Variants in PRIMA1 observed in about 807,000 individuals in gnomAD.
PRIMA1 encodes proline rich membrane anchor 1, also known as proline-rich membrane anchor 1.
In PRIMA1, 7 loss-of-function variants were observed where a neutral mutation model predicts 17.5. The ratio of observed to expected loss-of-function variants is 0.40; its 90% confidence interval spans 0.23 to 0.75. PRIMA1 has a LOEUF of 0.75. PRIMA1 is among the 30% of genes least tolerant of loss of function. The pLI is 0.37. For synonymous variants in PRIMA1, 97 were observed against 77.9 expected (o/e 1.25, Z -1.29); for missense variants, 200 against 201.8 (o/e 0.99, Z 0.05).
rs1032442391 is a variant in PRIMA1 at position 93,719,286 on chromosome 14, A to T, written c.*2158T>A. ...AGGGAGCCTCGCCTGGGGCTGGAAG[A>T]TTAGGCTAACTGCAAAATCCAGGCC... On this transcript the variant is annotated 3_prime_UTR_variant, in exon 5 of 5. Transcript: ENST00000393140. 3 of 152,190 alleles carry T rather than the reference A, an allele frequency of 2.0e-5. No individual in the cohort carries two copies. Among genetic ancestry groups the T allele is most frequent in the Middle Eastern group, 3.2e-3 (1 of 316 alleles). The allele number at this position is 152,190 out of a possible 1,614,324, so 9.4% of individuals were successfully genotyped here. A position where few individuals can be genotyped will look rare whatever the true frequency, so the allele number is the denominator to read the frequency against.
chr14:93,724,090 GC>G (rs1239554777), intron 4 of PRIMA1, among the ~76,000 whole-genome samples: 1 of 152,028 alleles, frequency 6.6e-6, no homozygotes, highest in African/African-American at 2.4e-5. Context: ...TCGCTATGTT[GC>G]CCAGGCTGTT....
At chr14:93,787,052 C>A (rs1885546076) in intron 2 of PRIMA1, among the ~76,000 whole-genome samples, 1 of 152,092 alleles carries the variant, frequency 6.6e-6, no homozygotes, top group Admixed American at 6.5e-5. Flanking sequence ...CCCATTGAAA[C>A]CCCTCTCTGA....
intron 3 of PRIMA1, among the ~76,000 whole-genome samples, chr14:93,776,350 C>G (rs1220220954): frequency 6.6e-6 from 1 of 152,188 alleles, no homozygotes; most frequent in East Asian, 1.9e-4. Context: ...CTCTCTTACT[C>G]TCCTCTCCCA....
chr14:93,765,460 G>A (rs1884866694), intron 3 of PRIMA1, among the ~76,000 whole-genome samples: 1 of 149,626 alleles, frequency 6.7e-6, no homozygotes, highest in African/African-American at 2.5e-5. Flanking sequence ...TTCATAATAA[G>A]ATGAGCTAAC....
chr14:93,718,432 T>C lies in PRIMA1; in HGVS notation c.*3012A>G, dbSNP rs146990810. On this transcript the variant is annotated 3_prime_UTR_variant, in exon 5 of 5. Coordinates refer to ENST00000393140, the MANE Select transcript of PRIMA1 (RefSeq NM_178013.4). ...CAGCAGGAAACCAACCTTAATGGCT[T>C]GTTGGTGGATAAGACGGCATCAACT... 1.3e-5 allele frequency: 2 copies of C among 152,612 alleles called. No individual in the cohort carries two copies. The highest frequency in any genetic ancestry group is 2.4e-5 in the African/African-American group (1 of 41,542). The allele number at this position is 152,612 out of a possible 1,614,324, so 9.5% of individuals were successfully genotyped here.
At chr14:93,723,439 G>A (rs2076055567) in intron 4 of PRIMA1, among the ~76,000 whole-genome samples, 1 of 152,168 alleles carries the variant, frequency 6.6e-6, no homozygotes, top group Non-Finnish European at 1.5e-5. Context: ...GAGGAGGCAG[G>A]GTCTGTGAGG....
At chr14:93,780,290 C>T (rs1885342239) in intron 2 of PRIMA1, among the ~76,000 whole-genome samples, 1 of 152,230 alleles carries the variant, frequency 6.6e-6, no homozygotes, top group Non-Finnish European at 1.5e-5. Flanking sequence ...GGGCAGAAAG[C>T]TACATTTGGA....
intron 3 of PRIMA1, among the ~76,000 whole-genome samples, chr14:93,744,011 G>A (rs1467591808): frequency 6.6e-6 from 1 of 152,254 alleles, no homozygotes; most frequent in East Asian, 1.9e-4. Flanking sequence ...AGGACAGTGT[G>A]GGGGCCGGAG....
rs142604243 is a variant in PRIMA1 at position 93,765,904 on chromosome 14, A to C, written c.229+13272T>G. On this transcript the variant is annotated intron_variant, in intron 3 of 4. Coordinates refer to ENST00000393140, the MANE Select transcript of PRIMA1 (RefSeq NM_178013.4). ...TCTTCCCCAGAAATTATGCTTTCTA[A>C]GTCATTTATGTTACTTGATGATTTT... Among the ~76,000 whole-genome samples, 315 of 152,270 alleles carry C rather than the reference A, an allele frequency of 2.1e-3. 2 individuals are homozygous for C. Among genetic ancestry groups the C allele is most frequent in the African/African-American group, 7.3e-3 (304 of 41,558 alleles).
intron 4 of PRIMA1, among the ~76,000 whole-genome samples, chr14:93,730,484 C>T (rs1455026772): frequency 2.0e-5 from 3 of 152,110 alleles, no homozygotes; most frequent in African/African-American, 7.2e-5. Flanking sequence ...TCTGGGAGTG[C>T]TCGATGAGCC....
intron 3 of PRIMA1, among the ~76,000 whole-genome samples, chr14:93,773,623 G>A (rs755738198): frequency 1.7e-4 from 26 of 152,250 alleles, no homozygotes; most frequent in Admixed American, 7.8e-4. Flanking sequence ...AAGTGGAGAT[G>A]CTGCTTGAGA....
At chr14:93,758,272 G>A (rs1178973742) in intron 3 of PRIMA1, among the ~76,000 whole-genome samples, 4 of 151,992 alleles carry the variant, frequency 2.6e-5, no homozygotes, top group Non-Finnish European at 5.9e-5. Flanking sequence ...CACATAAGAT[G>A]ACAAAAAAGT....
At chr14:93,779,825 G>GGGCAA (rs1356301896) in intron 2 of PRIMA1, among the ~76,000 whole-genome samples, 9 of 152,192 alleles carry the variant, frequency 5.9e-5, no homozygotes, top group African/African-American at 2.2e-4. Flanking sequence ...CCCCTCTCTT[G>GGGCAA]GGTAGAAACC....
chr14:93,761,631 T>G (rs1260669048), intron 3 of PRIMA1, among the ~76,000 whole-genome samples: 1 of 152,188 alleles, frequency 6.6e-6, no homozygotes, highest in African/African-American at 2.4e-5. Context: ...GAGACCTTCC[T>G]GGGCATGCCT....
chr14:93,772,203 T>C (rs1885090658), intron 3 of PRIMA1, among the ~76,000 whole-genome samples: 1 of 152,214 alleles, frequency 6.6e-6, no homozygotes, highest in Non-Finnish European at 1.5e-5. Flanking sequence ...AACTTGGCCT[T>C]TGGCACATAG....
chr14:93,733,652 G>A (rs547131771), intron 4 of PRIMA1, among the ~76,000 whole-genome samples: 137 of 152,090 alleles, frequency 9.0e-4, no homozygotes, highest in African/African-American at 3.1e-3. Flanking sequence ...CCTAGGACTC[G>A]AGGCTATGAG....
chr14:93,720,731 C>T lies in PRIMA1; in HGVS notation c.*713G>A, dbSNP rs1566960737. On this transcript the variant is annotated 3_prime_UTR_variant, in exon 5 of 5. Coordinates refer to ENST00000393140, the MANE Select transcript of PRIMA1 (RefSeq NM_178013.4). ...CTGCGGGTTCAGTGAGTCGTTTTGC[C>T]CCCGGAAGGCCAGACACTGCCCCCG... 6.6e-6 allele frequency: 1 copy of T among 152,630 alleles called. No homozygotes were observed. Among genetic ancestry groups the T allele is most frequent in the African/African-American group, 2.4e-5 (1 of 41,468 alleles). 9.5% of individuals were successfully genotyped at this position (152,630 alleles called of 1,614,324 possible). A position where few individuals can be genotyped will look rare whatever the true frequency, so the allele number is the denominator to read the frequency against.
At chr14:93,767,622 G>A (rs904609579) in intron 3 of PRIMA1, among the ~76,000 whole-genome samples, 11 of 152,156 alleles carry the variant, frequency 7.2e-5, no homozygotes, top group Admixed American at 2.6e-4. Context: ...AGGGGTGCCG[G>A]AGCTAGCCCT....
chr14:93,781,393 C>T (rs765884414), intron 2 of PRIMA1, among the ~76,000 whole-genome samples: 44 of 152,252 alleles, frequency 2.9e-4, no homozygotes, highest in Non-Finnish European at 4.6e-4. Context: ...TGCTAGAAAG[C>T]TTCATTCTCC....
Sources: gnomAD v4.1 joint callset for allele counts (sites outside exome capture counted in the v4.1 genomes callset) on GRCh38, gnomAD v4.1.1 for gene constraint, MANE v1.5 for transcripts, NCBI Gene and HGNC (gene_info 2026-07-23, HGNC 2026-07-21) for gene names.